Variants in TBXAS1 observed in about 807,000 individuals in gnomAD.
TBXAS1 encodes thromboxane-A synthase.
Under a neutral mutation model 60.7 loss-of-function variants are expected in TBXAS1, and 48 were observed. That is an observed-to-expected ratio of 0.79 (90% CI 0.63 to 1.01). The LOEUF (loss-of-function observed/expected upper bound fraction) is 1.01. Ranked by LOEUF, TBXAS1 falls within the 50% of genes least tolerant of loss-of-function variation. TBXAS1 has a pLI of 0.00. For synonymous variants in TBXAS1, 287 were observed against 269.7 expected, an observed-to-expected ratio of 1.06 and a Z score of -0.63; for missense variants, 685 against 686.3, an observed-to-expected ratio of 1.00 and a Z score of 0.02.
chr7:139,929,847 T>G (rs1468161083), intron 4 of TBXAS1, among the ~76,000 whole-genome samples: 1 of 152,156 alleles, frequency 6.6e-6, no homozygotes, highest in Non-Finnish European at 1.5e-5. Flanking sequence ...CCACTGTGCT[T>G]CCTCCTGACG....
intron 4 of TBXAS1, among the ~76,000 whole-genome samples, chr7:139,808,347 AAAAC>A (rs1438642562): frequency 6.6e-6 from 1 of 152,172 alleles, no homozygotes; most frequent in Non-Finnish European, 1.5e-5. Context: ...CAAAAAAACA[AAAAC>A]AAAACCCTCA....
chr7:139,799,322 C>T (rs375225773), intron 4 of TBXAS1, among the ~76,000 whole-genome samples: 30 of 151,948 alleles, frequency 2.0e-4, no homozygotes, highest in African/African-American at 7.0e-4. Context: ...CTCTGCTTCC[C>T]GGGTTCAAGC....
chr7:140,016,103 C>T lies in TBXAS1; in HGVS notation c.1364+243C>T, dbSNP rs531760424. ...CAGCACTTTGGGAGGCCAAGGTGGG[C>T]AGATCACGAGGTCAGGAGATCGAGA... On this transcript the variant is annotated intron_variant, in intron 11 of 12. Coordinates refer to ENST00000448866, the MANE Select transcript of TBXAS1 (RefSeq NM_001061.7). Among the ~76,000 whole-genome samples the T allele has an allele frequency of 8.0e-3, 1,218 of 152,126 alleles. 15 individuals are homozygous for T. Among genetic ancestry groups the T allele is most frequent in the African/African-American group, 0.028 (1,164 of 41,478 alleles).
chr7:139,816,841 C>T (rs1165629198), intron 4 of TBXAS1, among the ~76,000 whole-genome samples: 1 of 152,158 alleles, frequency 6.6e-6, no homozygotes, highest in Non-Finnish European at 1.5e-5. Context: ...CTGACTCCCC[C>T]ATCCAGGCTT....
intron 4 of TBXAS1, among the ~76,000 whole-genome samples, chr7:139,935,761 G>C (rs1442138461): frequency 1.3e-5 from 2 of 151,958 alleles, no homozygotes; most frequent in Admixed American, 6.5e-5. Context: ...TGTCAACTTC[G>C]GGTCCAACCT....
At chr7:139,882,771 A>C (rs1050195084) in intron 3 of TBXAS1, among the ~76,000 whole-genome samples, 1 of 152,188 alleles carries the variant, frequency 6.6e-6, no homozygotes, top group African/African-American at 2.4e-5. Flanking sequence ...CTTTCATGAA[A>C]GCGTTGAAAG....
At chr7:139,850,522 G>A (rs187896058) in intron 1 of TBXAS1, among the ~76,000 whole-genome samples, 7 of 152,308 alleles carry the variant, frequency 4.6e-5, no homozygotes, top group Admixed American at 4.6e-4. Context: ...GCCTTTTCCA[G>A]GGACTTCTGT....
At chr7:139,780,968 C>A (rs1012214248) in intron 2 of TBXAS1, 1 of 154,284 alleles carries the variant, frequency 6.5e-6, no homozygotes, top group Non-Finnish European at 1.5e-5. Flanking sequence ...GTGAGTGATT[C>A]TAGGCAGTCT....
intron 9 of TBXAS1, among the ~76,000 whole-genome samples, chr7:140,001,329 G>T (rs1217931525): frequency 6.6e-6 from 1 of 152,150 alleles, no homozygotes; most frequent in Non-Finnish European, 1.5e-5. Flanking sequence ...CCACATTTTT[G>T]AGACACTCCA....
intron 4 of TBXAS1, among the ~76,000 whole-genome samples, chr7:139,792,829 T>C (rs1182317827): frequency 6.6e-6 from 1 of 152,128 alleles, no homozygotes; most frequent in Non-Finnish European, 1.5e-5. Context: ...TCCTGGAAAA[T>C]GCACTTTTAA....
At chr7:139,842,894 C>G (rs552938166) in intron 1 of TBXAS1, among the ~76,000 whole-genome samples, 1 of 152,136 alleles carries the variant, frequency 6.6e-6, no homozygotes, top group African/African-American at 2.4e-5. Context: ...TTTTTCCCCT[C>G]GAAGATATCT....
At chr7:139,951,965 A>AG (rs1809406199) in intron 5 of TBXAS1, among the ~76,000 whole-genome samples, 2 of 134,764 alleles carry the variant, frequency 1.5e-5, no homozygotes, top group Non-Finnish European at 3.2e-5. Context: ...AAAGAAAGAA[A>AG]GAAAGAAAGA....
At chr7:139,894,193 T>A (rs1339654225) in intron 3 of TBXAS1, among the ~76,000 whole-genome samples, 1 of 152,126 alleles carries the variant, frequency 6.6e-6, no homozygotes, top group Non-Finnish European at 1.5e-5. Flanking sequence ...GGGACTACCG[T>A]GCCACCACCC....
intron 9 of TBXAS1, among the ~76,000 whole-genome samples, chr7:139,980,843 G>T (rs1811914868): frequency 6.6e-6 from 1 of 151,412 alleles, no homozygotes; most frequent in South Asian, 2.1e-4. Context: ...TTCACTGTCT[G>T]CACCAGAGTG....
At chr7:139,811,352 A>C (rs1798018833) in intron 4 of TBXAS1, among the ~76,000 whole-genome samples, 1 of 152,208 alleles carries the variant, frequency 6.6e-6, no homozygotes, top group Admixed American at 6.5e-5. Context: ...AGCTGTTCTC[A>C]CTGGATGCTT....
chr7:139,955,354 G>A (rs1363795326), intron 6 of TBXAS1, 105 bp from the exon 7 acceptor site: 8 of 1,467,368 alleles, frequency 5.5e-6, no homozygotes, highest in Non-Finnish European at 1.9e-6. Flanking sequence ...CTGCAGGGCT[G>A]GGCAAGCCAG....
At chr7:139,809,604 C>G (rs1433148408) in intron 4 of TBXAS1, among the ~76,000 whole-genome samples, 1 of 152,180 alleles carries the variant, frequency 6.6e-6, no homozygotes, top group African/African-American at 2.4e-5. Context: ...CATGCTGTAA[C>G]TCTCAGTCCG....
intron 3 of TBXAS1, among the ~76,000 whole-genome samples, chr7:139,886,418 G>A (rs1803115949): frequency 3.0e-5 from 4 of 131,156 alleles, no homozygotes; most frequent in South Asian, 2.4e-4. Context: ...TTTTGGCCTC[G>A]GCTTAAAGAG....
At chr7:139,845,072 C>T (rs547353723) in intron 1 of TBXAS1, among the ~76,000 whole-genome samples, 1 of 152,282 alleles carries the variant, frequency 6.6e-6, no homozygotes, top group South Asian at 2.1e-4. Context: ...GTCTTGACTC[C>T]CAAGTGTTCC....
Sources: allele counts gnomAD v4.1 joint callset (sites outside exome capture counted in the v4.1 genomes callset), GRCh38; gene constraint gnomAD v4.1.1; transcripts MANE v1.5; gene names NCBI Gene and HGNC (gene_info 2026-07-23, HGNC 2026-07-21).